Variants in ADAM22 observed in about 807,000 individuals in gnomAD.
ADAM22 encodes ADAM metallopeptidase domain 22.
A neutral mutation model predicts 144.6 loss-of-function variants in ADAM22; 65 were observed. The ratio of observed to expected loss-of-function variants is 0.45; its 90% CI spans 0.37 to 0.55. ADAM22 has a LOEUF of 0.55. ADAM22 is among the 20% of genes least tolerant of loss of function. The probability of loss-of-function intolerance (pLI) is 0.00; values close to 1 mark genes in which losing one functional copy is unlikely to be tolerated. For synonymous variants in ADAM22, 391 were observed against 412.6 expected (o/e 0.95, Z 0.63); for missense variants, 974 against 1,184.9 (o/e 0.82, Z 2.61).
chr7:88,195,907 C>G (rs1850590904), intron 31 of ADAM22, among the ~76,000 whole-genome samples: 4 of 152,188 alleles, frequency 2.6e-5, no homozygotes, highest in Admixed American at 2.6e-4. Context: ...TGGAATCACA[C>G]TTCCCTGATG....
chr7:88,177,298 A>AT, intron 26 of ADAM22, among the ~76,000 whole-genome samples: 1 of 152,102 alleles, frequency 6.6e-6, no homozygotes, highest in Non-Finnish European at 1.5e-5. Flanking sequence ...CTAATGGAAT[A>AT]TTTTACTGAT....
intron 3 of ADAM22, among the ~76,000 whole-genome samples, chr7:88,063,320 A>T (rs1042664542): frequency 1.3e-5 from 2 of 152,214 alleles, no homozygotes; most frequent in African/African-American, 4.8e-5. Context: ...TAGAAACAGT[A>T]ACAAAGCAGT....
At chr7:88,121,642 G>A (rs1221111232) in intron 7 of ADAM22, among the ~76,000 whole-genome samples, 1 of 152,050 alleles carries the variant, frequency 6.6e-6, no homozygotes, top group East Asian at 1.9e-4. Context: ...CTCACCACAT[G>A]GGCCTCTCCA....
intron 7 of ADAM22, among the ~76,000 whole-genome samples, chr7:88,125,361 C>T (rs1417272980): frequency 1.3e-5 from 2 of 151,778 alleles, no homozygotes; most frequent in East Asian, 3.9e-4. Context: ...GAAAAATTTT[C>T]CAGATAAATT....
At chr7:88,182,508 G>C (rs779540620) in intron 29 of ADAM22, among the ~76,000 whole-genome samples, 1 of 152,100 alleles carries the variant, frequency 6.6e-6, no homozygotes, top group Non-Finnish European at 1.5e-5. Context: ...CAGACTAATG[G>C]AATAAGTTTC....
intron 3 of ADAM22, among the ~76,000 whole-genome samples, chr7:88,062,924 G>T (rs1462411640): frequency 6.6e-6 from 1 of 152,058 alleles, no homozygotes; most frequent in African/African-American, 2.4e-5. Context: ...TATTAAGCTC[G>T]CTCTCTTATA....
chr7:87,954,793 A>G (rs572606096), intron 2 of ADAM22, among the ~76,000 whole-genome samples: 14 of 152,292 alleles, frequency 9.2e-5, no homozygotes, highest in Non-Finnish European at 1.9e-4. Context: ...TCAGACGCAG[A>G]TTTGGTCTTC....
rs1842564887 is a variant in ADAM22 at position 87,941,991 on chromosome 7, C to T, written c.246+6805C>T. 2.6e-5 allele frequency among the ~76,000 whole-genome samples: 4 copies of T among 152,126 alleles called. No individual in the cohort carries two copies. The South Asian group carries it at 8.3e-4, about 32-fold the overall frequency. On this transcript the variant is annotated intron_variant, in intron 2 of 31. Transcript: ENST00000413139. Reference sequence around the variant, plus strand: ...AGAGAGGCCTGCTTTTTTCTCACAACACACTGAGAACAGGAATCTGTAAGG... The same window carrying T: ...AGAGAGGCCTGCTTTTTTCTCACAATACACTGAGAACAGGAATCTGTAAGG...
At chr7:87,959,650 A>C (rs1562858014) in intron 2 of ADAM22, among the ~76,000 whole-genome samples, 2 of 152,330 alleles carry the variant, frequency 1.3e-5, no homozygotes, top group South Asian at 4.1e-4. Context: ...TTTTGCCTGA[A>C]ATACTTCAAT....
chr7:88,119,614 G>A (rs1172069683), intron 7 of ADAM22, among the ~76,000 whole-genome samples: 2 of 152,040 alleles, frequency 1.3e-5, no homozygotes, highest in Non-Finnish European at 1.5e-5. Flanking sequence ...TCAGGCTCCC[G>A]AGTAGCTGGG....
chr7:87,967,358 T>C (rs1849372640), intron 2 of ADAM22, among the ~76,000 whole-genome samples: 1 of 152,156 alleles, frequency 6.6e-6, no homozygotes, highest in Non-Finnish European at 1.5e-5. Flanking sequence ...TCACATGAAG[T>C]AGCTCTTTAA....
Position 88,135,998 on chromosome 7 carries a change from A to G in ADAM22, c.1187A>G (p.Asp396Gly). 1 of 1,612,296 alleles carries G rather than the reference A, an allele frequency of 6.2e-7. No homozygotes were observed. Among genetic ancestry groups the G allele is most frequent in the Non-Finnish European group, 8.5e-7 (1 of 1,179,060 alleles). The stretch of plus-strand genomic sequence containing the variant: ...CTCTTAGGTGAATGTAAATGCGAGG[A>G]CACGTGGTCCGGGTGCATAATGGGA... Reference protein sequence around the residue: ...KLASGECKCEDTWSGCIMGDT... With the variant: ...KLASGECKCEGTWSGCIMGDT... The change falls in exon 14 of 32, where the codon GAC (aspartate) becomes GGC (glycine). Residue 396 changes from aspartate to glycine, a missense_variant. This residue lies in a region of ADAM22 where 734 missense variants were observed against 950.6 expected (regional missense o/e 0.77). Transcript: ENST00000413139.
chr7:88,165,843 T>A lies in ADAM22; in HGVS notation c.2088T>A (p.Asn696Lys). 6.2e-7 allele frequency: 1 copy of A among 1,603,464 alleles called. No individual in the cohort carries two copies. The highest frequency in any genetic ancestry group is 8.5e-7 in the Non-Finnish European group (1 of 1,176,054). Reference protein sequence around the residue: ...TICSGNGVCSNELKCVCNRHW... With the variant: ...TICSGNGVCSKELKCVCNRHW... Reference sequence around the variant, plus strand: ...ATTTTGGATCTCAGGTTTGCAGTAATGAGCTGAAGTGTGTGTGTAACAGAC... The same window carrying A: ...ATTTTGGATCTCAGGTTTGCAGTAAAGAGCTGAAGTGTGTGTGTAACAGAC... The change falls in exon 24 of 32, where the codon AAT becomes AAA. Residue 696 changes from asparagine to lysine, a missense_variant. By Grantham distance (94) the Asn-to-Lys change is moderately conservative. Around this residue, in one of 2 missense-constraint regions of ADAM22, gnomAD observed 734 missense variants for 950.6 expected, o/e 0.77. Transcript: ENST00000413139.
intron 3 of ADAM22, among the ~76,000 whole-genome samples, chr7:88,005,504 A>T (rs970208050): frequency 6.6e-6 from 1 of 152,186 alleles, no homozygotes; most frequent in Non-Finnish European, 1.5e-5. Context: ...ATACCCAAGC[A>T]GTTCTTGTGG....
chr7:88,120,823 T>A (rs1404364457), intron 7 of ADAM22, among the ~76,000 whole-genome samples: 1 of 152,248 alleles, frequency 6.6e-6, no homozygotes, highest in Admixed American at 6.5e-5. Flanking sequence ...CTATGCTAAG[T>A]AATTTTTGCT....
intron 3 of ADAM22, among the ~76,000 whole-genome samples, chr7:87,991,360 T>A (rs962733469): frequency 6.6e-4 from 92 of 139,822 alleles, no homozygotes; most frequent in African/African-American, 1.4e-3. Flanking sequence ...TTATTTTTTT[T>A]TTTTTTTTTT....
intron 3 of ADAM22, among the ~76,000 whole-genome samples, chr7:88,075,307 T>G (rs906357615): frequency 2.0e-5 from 3 of 152,168 alleles, no homozygotes; most frequent in African/African-American, 7.2e-5. Flanking sequence ...AAGTAAAAAA[T>G]TAAGGACAAT....
chr7:88,149,087 T>C, intron 18 of ADAM22, 30 bp downstream of exon 18: 1 of 1,569,594 alleles, frequency 6.4e-7, no homozygotes, highest in Non-Finnish European at 8.8e-7. Context: ...CTCTAAAACT[T>C]ATGGGAAAAA....
chr7:87,996,740 T>C (rs1039138707), intron 3 of ADAM22, among the ~76,000 whole-genome samples: 1 of 152,264 alleles, frequency 6.6e-6, no homozygotes, highest in Admixed American at 6.5e-5. Flanking sequence ...TCTATCAACA[T>C]GAGAGGCAGT....
Sources: allele counts gnomAD v4.1 joint callset (sites outside exome capture counted in the v4.1 genomes callset), GRCh38; gene constraint gnomAD v4.1.1; regional missense constraint gnomAD v4.1.1; transcripts MANE v1.5; gene names NCBI Gene and HGNC (gene_info 2026-07-23, HGNC 2026-07-21).